The following BCAT1 variants were observed in gnomAD, a reference collection of about 807,000 sequenced individuals.
BCAT1 encodes branched-chain-amino-acid aminotransferase, cytosolic.
A neutral mutation model predicts 52.4 loss-of-function variants in BCAT1; 48 were observed. That is an observed-to-expected ratio of 0.92 (90% CI 0.73 to 1.16). The LOEUF (loss-of-function observed/expected upper bound fraction) is 1.16, where lower values mean the gene tolerates loss of function less well. Among genes scored for constraint, BCAT1 ranks in the 50% most tolerant of loss-of-function variants. BCAT1 has a pLI of 0.00. For synonymous variants in BCAT1, 167 were observed against 161.3 expected (o/e 1.04, Z -0.27); for missense variants, 451 against 457.1 (o/e 0.99, Z 0.12).
chr12:24,869,446 C>T (rs970779955), intron 5 of BCAT1, among the ~76,000 whole-genome samples: 14 of 152,134 alleles, frequency 9.2e-5, no homozygotes, highest in Non-Finnish European at 4.4e-5. Context: ...CCTTTTTTCC[C>T]AATAAGTTCC....
intron 1 of BCAT1, among the ~76,000 whole-genome samples, chr12:24,911,431 G>T (rs1232789496): frequency 6.6e-6 from 1 of 152,180 alleles, no homozygotes; most frequent in Non-Finnish European, 1.5e-5. Context: ...CTCCCCTCAG[G>T]ACCCTGCTCG....
intron 5 of BCAT1, among the ~76,000 whole-genome samples, chr12:24,850,757 C>A (rs773458559): frequency 6.6e-6 from 1 of 152,184 alleles, no homozygotes; most frequent in African/African-American, 2.4e-5. Flanking sequence ...TGTCACTTTC[C>A]TTCCTCTGTC....
chr12:24,886,937 C>T (rs994446511), intron 3 of BCAT1, among the ~76,000 whole-genome samples: 1 of 149,494 alleles, frequency 6.7e-6, no homozygotes, highest in Admixed American at 6.7e-5. Context: ...GTGGCACGTG[C>T]CTGTAATCTC....
At chr12:24,917,294 T>C (rs1011977741) in intron 1 of BCAT1, among the ~76,000 whole-genome samples, 1 of 146,052 alleles carries the variant, frequency 6.8e-6, no homozygotes, top group African/African-American at 2.5e-5. Context: ...TTCTTCCGCC[T>C]CAGCCTGCCG....
intron 1 of BCAT1, among the ~76,000 whole-genome samples, chr12:24,925,435 A>G (rs1943563864): frequency 6.6e-6 from 1 of 152,214 alleles, no homozygotes; most frequent in Non-Finnish European, 1.5e-5. Flanking sequence ...CTTGATAGAT[A>G]GATAGAAAGA....
At chr12:24,836,429 A>G in intron 8 of BCAT1, 82 bp downstream of exon 8, 1 of 1,196,126 alleles carries the variant, frequency 8.4e-7, no homozygotes, top group Non-Finnish European at 1.2e-6. Flanking sequence ...ACCACAGGAT[A>G]TTATTTCAAC....
chr12:24,849,749 G>C, intron 6 of BCAT1, 37 bp downstream of exon 6: 4 of 1,573,474 alleles, frequency 2.5e-6, no homozygotes, highest in Non-Finnish European at 3.5e-6. Flanking sequence ...GGTCATGAAG[G>C]TGTCTTTCCT....
At chr12:24,882,089 A>G (rs527774874) in intron 3 of BCAT1, among the ~76,000 whole-genome samples, 19 of 152,346 alleles carry the variant, frequency 1.2e-4, no homozygotes, top group Admixed American at 1.0e-3. Flanking sequence ...TTTATAGAAC[A>G]AACAGGCTAA....
At chr12:24,905,079 G>T (rs1219707877) in intron 1 of BCAT1, among the ~76,000 whole-genome samples, 1 of 152,188 alleles carries the variant, frequency 6.6e-6, no homozygotes, top group Non-Finnish European at 1.5e-5. Context: ...CTTCTCTGAG[G>T]AGGGCTGGAA....
chr12:24,838,093 A>AC (rs1941056989), intron 7 of BCAT1, among the ~76,000 whole-genome samples: 1 of 152,018 alleles, frequency 6.6e-6, no homozygotes, highest in Non-Finnish European at 1.5e-5. Context: ...CACTGAGGCC[A>AC]CCACCCTCTC....
chr12:24,909,708 C>T (rs1360030213), intron 1 of BCAT1, among the ~76,000 whole-genome samples: 1 of 152,186 alleles, frequency 6.6e-6, no homozygotes, highest in African/African-American at 2.4e-5. Flanking sequence ...CCTGTAACTG[C>T]TTTGATTAAT....
intron 3 of BCAT1, among the ~76,000 whole-genome samples, chr12:24,887,083 ATATATAT>A (rs1565483165): frequency 2.7e-4 from 26 of 95,138 alleles, no homozygotes; most frequent in Non-Finnish European, 5.1e-4. Flanking sequence ...AAAAAAAAAT[ATATATAT>A]ATATATATAT....
chr12:24,834,075 C>T, intron 8 of BCAT1: 24 of 897,942 alleles, frequency 2.7e-5, no homozygotes, highest in Non-Finnish European at 3.1e-5. Flanking sequence ...ACCTCAGCCT[C>T]CCAAAGTGCC....
chr12:24,890,487 C>A (rs1208459229), intron 3 of BCAT1, among the ~76,000 whole-genome samples: 1 of 152,160 alleles, frequency 6.6e-6, no homozygotes. Flanking sequence ...AAGAAGCCAG[C>A]CAAAACCTGC....
chr12:24,832,892 T>G lies in BCAT1; in HGVS notation c.904-29A>C, dbSNP rs775394052. 1.8e-5 allele frequency: 29 copies of G among 1,580,488 alleles called. 1 individual carries two copies. In the Middle Eastern group the frequency reaches 6.7e-4, roughly 36 times the overall value. On this transcript the variant is annotated intron_variant, in intron 8 of 10. Transcript: ENST00000261192. ...CATGGAATATAAAAAATAACAAGTA[T>G]ATTTTAAAGGAAAAGGCATGCAAAA...
intron 5 of BCAT1, among the ~76,000 whole-genome samples, chr12:24,858,937 G>A (rs1176459586): frequency 6.6e-6 from 1 of 152,150 alleles, no homozygotes; most frequent in Admixed American, 6.5e-5. Flanking sequence ...AATTCTGTGT[G>A]TTAAAATATT....
rs954528497 is a variant in BCAT1, at chr12:24,860,046, A to G, written c.511-10097T>C. ...TATGTAAAATTGTTGTATGCCACAG[A>G]AGTAACCAAAATTTCTAGTCAATTG... On this transcript the variant is annotated intron_variant, in intron 5 of 10. Coordinates refer to ENST00000261192, the MANE Select transcript of BCAT1 (RefSeq NM_005504.7). 5.3e-5 allele frequency among the ~76,000 whole-genome samples: 8 copies of G among 152,242 alleles called. No individual in the cohort carries two copies. In the South Asian group the frequency reaches 1.7e-3, roughly 32 times the overall value.
At chr12:24,891,892 G>T (rs1446607521) in intron 3 of BCAT1, among the ~76,000 whole-genome samples, 2 of 150,304 alleles carry the variant, frequency 1.3e-5, no homozygotes, top group Admixed American at 1.3e-4. Flanking sequence ...TGGACTACAG[G>T]CGCCTGCCAC....
chr12:24,834,013 TAA>T (rs1940814607), intron 8 of BCAT1: 1 of 301,754 alleles, frequency 3.3e-6, no homozygotes, highest in South Asian at 1.3e-4. Flanking sequence ...TTTTATTTTG[TAA>T]AGATAGGGGT....
Sources: gnomAD v4.1 joint callset for allele counts (sites outside exome capture counted in the v4.1 genomes callset) on GRCh38, gnomAD v4.1.1 for gene constraint, MANE v1.5 for transcripts, NCBI Gene and HGNC (gene_info 2026-07-23, HGNC 2026-07-21) for gene names.